The following RAPGEF1 variants were observed in gnomAD, a reference collection of about 807,000 sequenced individuals.
The protein encoded by RAPGEF1 is Rap guanine nucleotide exchange factor 1, also known as CRK SH3-binding GNRP.
Under a neutral mutation model 143.3 loss-of-function variants are expected in RAPGEF1, and 33 were observed. The observed-to-expected ratio is 0.23, with a 90% confidence interval of 0.17 to 0.31. The LOEUF (loss-of-function observed/expected upper bound fraction) is 0.31, where lower values mean the gene tolerates loss of function less well. Ranked by LOEUF, RAPGEF1 falls within the 10% of genes least tolerant of loss-of-function variation. RAPGEF1 has a pLI of 1.00. For missense variants in RAPGEF1, 1,199 were observed against 1,645.4 expected (o/e 0.73, Z 4.69); for synonymous variants, 629 against 676.5 (o/e 0.93, Z 1.09).
intron 1 of RAPGEF1, among the ~76,000 whole-genome samples, chr9:131,662,845 G>A (rs1829786652): frequency 6.6e-6 from 1 of 151,982 alleles, no homozygotes. Flanking sequence ...AGTTTTGTTC[G>A]TTTTGTAGAG....
rs897154061 is a variant in RAPGEF1 at position 131,650,464 on chromosome 9, G to A, written c.202-222C>T. On this transcript the variant is annotated intron_variant, in intron 2 of 26. Transcript: ENST00000683357. This position sits in a 1 kb window ranked among gnomAD's most constrained non-coding sequence, Gnocchi z 4.7. ...TGATGGATGTTCTGGACATCACAGA[G>A]TTCCCTGTGTTTGAGTGTGCGCCAA... 6.6e-6 allele frequency among the ~76,000 whole-genome samples: 1 copy of A among 152,242 alleles called. No homozygotes were observed. The highest frequency in any genetic ancestry group is 2.4e-5 in the African/African-American group (1 of 41,470).
chr9:131,712,834 A>C (rs1362666201), intron 1 of RAPGEF1, among the ~76,000 whole-genome samples: 1 of 152,206 alleles, frequency 6.6e-6, no homozygotes, highest in Admixed American at 6.5e-5. Context: ...GCTCCCCCAA[A>C]ATAACTCCAA....
In RAPGEF1 at chr9:131,627,937, G is replaced by A. The variant is rs374421425; in HGVS notation, c.1177C>T (p.Arg393Trp). Residue 393 changes from arginine to tryptophan, a missense_variant, in exon 9 of 27, where the codon CGG becomes TGG. Around this residue, in one of 6 missense-constraint regions of RAPGEF1, gnomAD observed 613 missense variants for 710.9 expected, o/e 0.86. Coordinates refer to ENST00000683357, the MANE Select transcript of RAPGEF1 (RefSeq NM_001377935.1). ...CCTAGTGTTTCACAGCTTGTGTTCCGGGAGCACTGCCCACTGTCCCTGTCC... is the reference window on the plus strand; with the variant it reads ...CCTAGTGTTTCACAGCTTGTGTTCCAGGAGCACTGCCCACTGTCCCTGTCC... ...SLDRDSGQCSRNTSCETLDHY... is the reference protein window; with the variant it reads ...SLDRDSGQCSWNTSCETLDHY... 3 of 1,586,714 alleles carry A rather than the reference G, an allele frequency of 1.9e-6. No homozygotes were observed. The highest frequency in any genetic ancestry group is 1.7e-6 in the Non-Finnish European group (2 of 1,166,612).
At chr9:131,704,135 T>C (rs540453306) in intron 1 of RAPGEF1, among the ~76,000 whole-genome samples, 8 of 151,866 alleles carry the variant, frequency 5.3e-5, no homozygotes, top group Admixed American at 6.6e-5. Flanking sequence ...CCTGGAAATG[T>C]GAAGTAATTT....
Position 131,709,800 on chromosome 9 carries a change from G to A in RAPGEF1, c.61+29970C>T, listed in dbSNP as rs1274586628. ...TCTTGGACATCCCAAACCACCCAGC[G>A]GCAGAACCCAGGCAGCCTCACAAGG... On this transcript the variant is annotated intron_variant, in intron 1 of 26. Coordinates refer to ENST00000683357, the MANE Select transcript of RAPGEF1 (RefSeq NM_001377935.1). The A allele has an allele frequency of 8.0e-6, 12 of 1,500,292 alleles. No homozygotes were observed. In the South Asian group the frequency reaches 9.1e-5, roughly 11 times the overall value. The allele number at this position is 1,500,292 out of a possible 1,614,324, so 92.9% of individuals were successfully genotyped here. A position where few individuals can be genotyped will look rare whatever the true frequency, so the allele number is the denominator to read the frequency against.
At chr9:131,601,934 A>G in intron 15 of RAPGEF1, 127 bp downstream of exon 15, 1 of 665,990 alleles carries the variant, frequency 1.5e-6, no homozygotes, top group Non-Finnish European at 2.5e-6. Flanking sequence ...AAATAAGGAA[A>G]GAAGGAAGAG....
At chr9:131,609,587 G>A (rs565622124) in intron 12 of RAPGEF1, among the ~76,000 whole-genome samples, 82 of 152,298 alleles carry the variant, frequency 5.4e-4, no homozygotes, top group African/African-American at 1.9e-3. Context: ...TGGCCAGAGT[G>A]TGGCAGGACA....
intron 9 of RAPGEF1, among the ~76,000 whole-genome samples, chr9:131,627,531 C>T (rs542437718): frequency 6.6e-6 from 1 of 152,314 alleles, no homozygotes; most frequent in African/African-American, 2.4e-5. Flanking sequence ...AACGAGAAGG[C>T]CGGCTCGCGC....
chr9:131,594,008 T>A (rs1954809055), intron 17 of RAPGEF1, among the ~76,000 whole-genome samples: 1 of 152,072 alleles, frequency 6.6e-6, no homozygotes, highest in African/African-American at 2.4e-5. Flanking sequence ...CCCAGAGCAA[T>A]CCCACAAGGA....
At position 131,708,833 on chromosome 9, in the gene RAPGEF1, C is replaced by T. The variant is rs542912011; in HGVS notation, c.61+30937G>A. On this transcript the variant is annotated intron_variant, in intron 1 of 26. Coordinates refer to ENST00000683357, the MANE Select transcript of RAPGEF1 (RefSeq NM_001377935.1). ...GTAACCTCCACATTCTGGGTTTAAGCGATTCTCCTGTCTCAGCCTTATGCC... is the reference window on the plus strand; with the variant it reads ...GTAACCTCCACATTCTGGGTTTAAGTGATTCTCCTGTCTCAGCCTTATGCC... 2.7e-3 allele frequency among the ~76,000 whole-genome samples: 403 copies of T among 152,044 alleles called. 2 individuals are homozygous for T. The highest frequency in any genetic ancestry group is 4.3e-3 in the Non-Finnish European group (291 of 67,980).
chr9:131,601,890 G>C (rs973213742), intron 15 of RAPGEF1, among the ~76,000 whole-genome samples, 171 bp downstream of exon 15: 2 of 152,148 alleles, frequency 1.3e-5, no homozygotes, highest in African/African-American at 4.8e-5. Flanking sequence ...CTGGGTAACA[G>C]ATCAATACCC....
At position 131,722,702 on chromosome 9, in the gene RAPGEF1, GGATTAAAAGCTTC is replaced by G. The variant is rs1379712965; in HGVS notation, c.61+17055_61+17067del. Among the ~76,000 whole-genome samples the G allele has an allele frequency of 2.0e-5, 3 of 152,276 alleles. No homozygotes were observed. The East Asian group carries it at 5.8e-4, about 29-fold the overall frequency. On this transcript the variant is annotated intron_variant, in intron 1 of 26. Transcript: ENST00000683357. The stretch of plus-strand genomic sequence containing the variant: ...CATCCAGAGGTGCAGGATCTGCCCT[GGATTAAAAGCTTC>G]ATGGGCTGGGCATGGTGGCTCCCAC...
In RAPGEF1 at chr9:131,628,749, T is replaced by C; in HGVS notation, c.894-77A>G. 6.6e-7 allele frequency: 1 copy of C among 1,506,620 alleles called. No individual in the cohort carries two copies. The highest frequency in any genetic ancestry group is 8.9e-7 in the Non-Finnish European group (1 of 1,122,182). 93.3% of individuals were successfully genotyped at this position (1,506,620 alleles called of 1,614,324 possible). The stretch of plus-strand genomic sequence containing the variant: ...TTCAGCGTGATATTGGGGTACAGGA[T>C]GTGGGGTTCTTTCATTACTAGACTC... On this transcript the variant is annotated intron_variant, in intron 7 of 26. Coordinates refer to ENST00000683357, the MANE Select transcript of RAPGEF1 (RefSeq NM_001377935.1). This position sits in a 1 kb window ranked among gnomAD's most constrained non-coding sequence, Gnocchi z 5.7.
At chr9:131,695,441 A>G (rs1027778595) in intron 1 of RAPGEF1, among the ~76,000 whole-genome samples, 1 of 152,228 alleles carries the variant, frequency 6.6e-6, no homozygotes, top group Non-Finnish European at 1.5e-5. Flanking sequence ...ACCGAAAAAG[A>G]GCAAAGCCAT....
intron 1 of RAPGEF1, among the ~76,000 whole-genome samples, chr9:131,682,068 G>A (rs1211096328): frequency 1.3e-5 from 2 of 152,146 alleles, no homozygotes; most frequent in African/African-American, 4.8e-5. Flanking sequence ...AAGCTACTCT[G>A]CTAGCACAGG....
At chr9:131,684,922 C>T (rs1036848379) in intron 1 of RAPGEF1, among the ~76,000 whole-genome samples, 4 of 152,146 alleles carry the variant, frequency 2.6e-5, no homozygotes, top group South Asian at 2.1e-4. Flanking sequence ...GAGCAACACC[C>T]GTCGAACACA....
At chr9:131,674,927 G>C (rs1293777836) in intron 1 of RAPGEF1, among the ~76,000 whole-genome samples, 4 of 152,090 alleles carry the variant, frequency 2.6e-5, no homozygotes, top group African/African-American at 9.7e-5. Context: ...GGAGAGAGGG[G>C]TGGGGGTGGC....
At chr9:131,668,525 A>G (rs934258572) in intron 1 of RAPGEF1, among the ~76,000 whole-genome samples, 3 of 151,968 alleles carry the variant, frequency 2.0e-5, no homozygotes, top group African/African-American at 4.8e-5. Context: ...GTAGTCATGG[A>G]CCTTGGCCAA....
At chr9:131,631,196 T>C (rs1198845008) in intron 5 of RAPGEF1, among the ~76,000 whole-genome samples, 3 of 152,212 alleles carry the variant, frequency 2.0e-5, no homozygotes, top group Non-Finnish European at 2.9e-5. Context: ...GCTTTATGGA[T>C]ATATAACTCA....
Sources: gnomAD v4.1 joint callset for allele counts (sites outside exome capture counted in the v4.1 genomes callset) on GRCh38, gnomAD v4.1.1 for gene constraint, gnomAD v4.1.1 regional missense constraint, Gnocchi (gnomAD v3.1) non-coding constraint, MANE v1.5 for transcripts, NCBI Gene and HGNC (gene_info 2026-07-23, HGNC 2026-07-21) for gene names.